STARD3NL: variants seen among roughly 807,000 people sequenced by gnomAD.
STARD3NL encodes STARD3 N-terminal-like protein.
A neutral mutation model predicts 30.9 loss-of-function variants in STARD3NL; 17 were observed. That is an observed-to-expected ratio of 0.55 (90% CI 0.38 to 0.82). The LOEUF (loss-of-function observed/expected upper bound fraction) is 0.82, where lower values mean the gene tolerates loss of function less well. Among genes scored for constraint, STARD3NL ranks in the 40% least tolerant of loss-of-function variants. The probability of loss-of-function intolerance (pLI) is 0.00; values close to 1 mark genes in which losing one functional copy is unlikely to be tolerated. For missense variants in STARD3NL, 234 were observed against 277.6 expected (o/e 0.84, Z 1.12); for synonymous variants, 112 against 100.5 (o/e 1.11, Z -0.69).
intron 1 of STARD3NL, among the ~76,000 whole-genome samples, chr7:38,195,853 A>G (rs772479848): frequency 9.2e-5 from 14 of 152,230 alleles, no homozygotes; most frequent in Non-Finnish European, 1.9e-4. Flanking sequence ...TGATGGTGCC[A>G]ATGTAGGTCA....
At chr7:38,191,910 TA>T (rs11398652) in intron 1 of STARD3NL, among the ~76,000 whole-genome samples, 20 of 149,044 alleles carry the variant, frequency 1.3e-4, no homozygotes, top group African/African-American at 2.0e-4. Flanking sequence ...CAGTTTCTAT[TA>T]AAAAAAAAAG....
chr7:38,228,102 T>A (rs997700718), intron 7 of STARD3NL, among the ~76,000 whole-genome samples: 1 of 152,222 alleles, frequency 6.6e-6, no homozygotes, highest in Non-Finnish European at 1.5e-5. Flanking sequence ...CGCATGCATT[T>A]TTCATGTTAT....
intron 2 of STARD3NL, 122 bp from the exon 3 acceptor site, chr7:38,214,235 T>A: frequency 1.6e-6 from 1 of 624,626 alleles, no homozygotes; most frequent in Non-Finnish European, 2.8e-6. Context: ...AGTTCTTTTC[T>A]TCGCACTTTA....
At chr7:38,206,549 T>C (rs1785497974) in intron 1 of STARD3NL, among the ~76,000 whole-genome samples, 1 of 152,192 alleles carries the variant, frequency 6.6e-6, no homozygotes, top group Non-Finnish European at 1.5e-5. Context: ...CCTCTGGTCT[T>C]GAGGGGCCTG....
chr7:38,226,162 T>C (rs1306618270), intron 7 of STARD3NL, among the ~76,000 whole-genome samples: 1 of 150,400 alleles, frequency 6.6e-6, no homozygotes, highest in East Asian at 1.9e-4. Flanking sequence ...GTTTTTTTTT[T>C]TTTTTTTTTT....
At chr7:38,225,951 A>G (rs1200386808) in intron 7 of STARD3NL, among the ~76,000 whole-genome samples, 1 of 152,212 alleles carries the variant, frequency 6.6e-6, no homozygotes, top group Non-Finnish European at 1.5e-5. Context: ...CCAATTTGAG[A>G]AATTTGAACC....
chr7:38,226,167 T>G (rs1286127536), intron 7 of STARD3NL, among the ~76,000 whole-genome samples: 4 of 150,900 alleles, frequency 2.7e-5, no homozygotes, highest in South Asian at 4.2e-4. Flanking sequence ...TTTTTTTTTT[T>G]TTTTTTTGAT....
intron 1 of STARD3NL, among the ~76,000 whole-genome samples, chr7:38,197,530 A>G (rs1784981654): frequency 1.3e-5 from 2 of 152,168 alleles, no homozygotes; most frequent in Non-Finnish European, 2.9e-5. Flanking sequence ...AGAATAGCTT[A>G]TCTACAAACC....
intron 1 of STARD3NL, among the ~76,000 whole-genome samples, chr7:38,194,654 C>T (rs1316900717): frequency 1.3e-5 from 2 of 151,946 alleles, no homozygotes; most frequent in Non-Finnish European, 2.9e-5. Context: ...ATTTTTATCT[C>T]AATGTTATTT....
At position 38,207,451 on chromosome 7, in the gene STARD3NL, C is replaced by G; in HGVS notation, c.-54C>G. Reference sequence around the variant, plus strand: ...TCTCTTTTTTATTTCCCAAAGGTGTCTTCTCTTTAGGGATGGTGAGGTTGG... The same window carrying G: ...TCTCTTTTTTATTTCCCAAAGGTGTGTTCTCTTTAGGGATGGTGAGGTTGG... On this transcript the variant is annotated 5_prime_UTR_variant, in exon 2 of 9. Coordinates refer to ENST00000009041, the MANE Select transcript of STARD3NL (RefSeq NM_032016.4). 1 of 1,480,296 alleles carries G rather than the reference C, an allele frequency of 6.8e-7. No individual in the cohort carries two copies. Among genetic ancestry groups the G allele is most frequent in the South Asian group, 1.2e-5 (1 of 84,298 alleles). The allele number at this position is 1,480,296 out of a possible 1,614,324, so 91.7% of individuals were successfully genotyped here.
chr7:38,217,050 T>G lies in STARD3NL; in HGVS notation c.407T>G (p.Phe136Cys). The G allele has an allele frequency of 6.2e-7, 1 of 1,614,090 alleles. No homozygotes were observed. ...TTGACAACGGCAGTGACCAGTGCCT[T>G]TTTACTAGCAAAAGTGATCCTTTCG... is the stretch of plus-strand genomic sequence containing the variant. ...IALTTAVTSA[F>C]LLAKVILSKL... The change falls in exon 5 of 9, where the codon TTT becomes TGT. Residue 136 changes from phenylalanine to cysteine, a missense_variant. Physicochemically the swap from Phe to Cys is radical, Grantham distance 205. Transcript: ENST00000009041.
At chr7:38,226,772 G>A (rs904799795) in intron 7 of STARD3NL, among the ~76,000 whole-genome samples, 2 of 152,174 alleles carry the variant, frequency 1.3e-5, no homozygotes, top group Non-Finnish European at 2.9e-5. Flanking sequence ...TCACTTCACT[G>A]TCAGTGTCAC....
intron 6 of STARD3NL, among the ~76,000 whole-genome samples, chr7:38,218,751 G>A (rs1450656410): frequency 6.6e-6 from 1 of 152,192 alleles, no homozygotes; most frequent in African/African-American, 2.4e-5. Context: ...AGTGTTGGTG[G>A]CCTTGCGTGT....
chr7:38,197,089 C>G (rs1221340694), intron 1 of STARD3NL, among the ~76,000 whole-genome samples: 3 of 152,116 alleles, frequency 2.0e-5, no homozygotes, highest in Non-Finnish European at 4.4e-5. Context: ...TGCCCACTGC[C>G]AGTCCTTTCC....
intron 1 of STARD3NL, among the ~76,000 whole-genome samples, chr7:38,190,304 T>C (rs1216433215): frequency 2.6e-5 from 4 of 152,162 alleles, no homozygotes; most frequent in African/African-American, 9.7e-5. Flanking sequence ...GAATTTTCTA[T>C]GTAGTATTTT....
intron 1 of STARD3NL, chr7:38,179,274 G>C (rs986892695): frequency 1.3e-5 from 2 of 152,216 alleles, no homozygotes; most frequent in African/African-American, 4.8e-5. Context: ...CCTCTTTCTA[G>C]AAGCAGGATC....
chr7:38,226,434 G>T (rs1786772672), intron 7 of STARD3NL, among the ~76,000 whole-genome samples: 1 of 152,124 alleles, frequency 6.6e-6, no homozygotes, highest in South Asian at 2.1e-4. Context: ...TGATTAGGCA[G>T]AGCCTAGCTA....
intron 1 of STARD3NL, among the ~76,000 whole-genome samples, chr7:38,195,119 A>G (rs1385737540): frequency 1.3e-5 from 2 of 152,104 alleles, no homozygotes; most frequent in African/African-American, 4.8e-5. Context: ...GTGCAGTGGC[A>G]CAGTCTCGGC....
chr7:38,221,852 C>T (rs1393386756), intron 7 of STARD3NL, among the ~76,000 whole-genome samples: 1 of 152,154 alleles, frequency 6.6e-6, no homozygotes, highest in Non-Finnish European at 1.5e-5. Context: ...CTCTAGGGCC[C>T]TCCAGCCATT....
Sources: allele counts gnomAD v4.1 joint callset (sites outside exome capture counted in the v4.1 genomes callset), GRCh38; gene constraint gnomAD v4.1.1; transcripts MANE v1.5; gene names NCBI Gene and HGNC (gene_info 2026-07-23, HGNC 2026-07-21).